ASXL1: variants seen among roughly 807,000 people sequenced by gnomAD.
ASXL1 encodes polycomb group protein ASXL1.
ASXL1 carries 65 observed loss-of-function variants against 89.1 expected under a neutral mutation model. The observed-to-expected ratio is 0.73, with a 90% CI of 0.60 to 0.90. The LOEUF (loss-of-function observed/expected upper bound fraction) is 0.90. ASXL1 is among the 40% of genes least tolerant of loss of function. The pLI, the probability that ASXL1 is intolerant of heterozygous loss-of-function variation, is 0.00. For missense variants in ASXL1, 1,786 were observed against 1,942.9 expected, an observed-to-expected ratio of 0.92 and a Z score of 1.52; for synonymous variants, 739 against 746.9, an observed-to-expected ratio of 0.99 and a Z score of 0.17.
chr20:32,383,397 C>T (rs2048522872), intron 4 of ASXL1, among the ~76,000 whole-genome samples: 1 of 151,968 alleles, frequency 6.6e-6, no homozygotes, highest in African/African-American at 2.4e-5. Context: ...AGCTCTGCCT[C>T]CCGGGTTCAC....
chr20:32,428,072 C>T (rs1569315781), intron 4 of ASXL1, 56 bp from the exon 5 acceptor site: 10 of 1,610,190 alleles, frequency 6.2e-6, no homozygotes, highest in Non-Finnish European at 7.6e-6. Flanking sequence ...GAATGACTGC[C>T]TTGCTTTAAG....
intron 10 of ASXL1, chr20:32,432,243 T>G (rs1485002930): frequency 5.7e-6 from 1 of 176,656 alleles, no homozygotes; most frequent in Non-Finnish European, 1.2e-5. Context: ...GGGGAAACCA[T>G]GTGTTGGCTT....
intron 4 of ASXL1, among the ~76,000 whole-genome samples, chr20:32,399,927 C>T (rs902300518): frequency 6.6e-6 from 1 of 151,494 alleles, no homozygotes; most frequent in Non-Finnish European, 1.5e-5. Context: ...ACGCCTGGCT[C>T]ATTTTTGTAT....
chr20:32,382,369 C>A (rs746490606), intron 4 of ASXL1, among the ~76,000 whole-genome samples: 18 of 151,714 alleles, frequency 1.2e-4, no homozygotes, highest in Non-Finnish European at 2.5e-4. Flanking sequence ...TAATCTGGTT[C>A]GTTGTAATTG....
intron 4 of ASXL1, among the ~76,000 whole-genome samples, chr20:32,420,971 A>G (rs2049234616): frequency 6.6e-6 from 1 of 152,006 alleles, no homozygotes; most frequent in African/African-American, 2.4e-5. Flanking sequence ...ACACAGGAAC[A>G]GAAAACCAAA....
At position 32,433,312 on chromosome 20, in the gene ASXL1, C is replaced by G. The variant is rs199846284; in HGVS notation, c.1114C>G (p.Gln372Glu). ...KLGLTKEESL[Q>E]QNVGQEEAEI... ...GGGTTTGACCAAAGAAGAGTCATTG[C>G]AGCAGAACGTGGGCCAGGAGGAGGC... The change falls in exon 12 of 13, where the codon CAG (glutamine) becomes GAG (glutamate). Residue 372 changes from glutamine (Q) to glutamate (E), a missense_variant. Physicochemically the swap from Gln to Glu is conservative, Grantham distance 29. This residue lies in a region of ASXL1 where 1,418 missense variants were observed against 1,427.8 expected (regional missense o/e 0.99). Transcript: ENST00000375687. 1.9e-6 allele frequency: 3 copies of G among 1,614,122 alleles called. No homozygotes were observed. In the Admixed American group the frequency reaches 5.0e-5, roughly 27 times the overall value.
intron 1 of ASXL1, among the ~76,000 whole-genome samples, chr20:32,361,290 T>C (rs1407067245): frequency 1.3e-5 from 2 of 152,036 alleles, no homozygotes; most frequent in African/African-American, 4.8e-5. Context: ...CAGTGCCCAA[T>C]GATTGATTGT....
chr20:32,403,026 T>C (rs375962478), intron 4 of ASXL1, among the ~76,000 whole-genome samples: 214 of 152,336 alleles, frequency 1.4e-3, no homozygotes, highest in African/African-American at 4.9e-3. Context: ...CTAAAAGTTG[T>C]ATGCTTTACA....
chr20:32,427,935 A>T (rs1485164703), intron 4 of ASXL1, 193 bp from the exon 5 acceptor site: 1 of 757,554 alleles, frequency 1.3e-6, no homozygotes, highest in Non-Finnish European at 2.1e-6. Context: ...GTTTGAATGC[A>T]AAAGTGTATC....
In ASXL1 at chr20:32,436,650, C is replaced by T. The variant is rs2145389801; in HGVS notation, c.3938C>T (p.Thr1313Ile). The T allele has an allele frequency of 5.6e-6, 9 of 1,614,050 alleles. No individual in the cohort carries two copies. The highest frequency in any genetic ancestry group is 6.8e-6 in the Non-Finnish European group (8 of 1,180,044). Reference sequence around the variant, plus strand: ...TTTGGCTCTGGGAATGTGGCTGCAACCCTTCAGCGCCCCAGGCCTGCGGAC... The same window carrying T: ...TTTGGCTCTGGGAATGTGGCTGCAATCCTTCAGCGCCCCAGGCCTGCGGAC... ...KLFGSGNVAA[T>I]LQRPRPADPM... The change falls in exon 13 of 13, where the codon ACC becomes ATC. Residue 1313 changes from threonine (T) to isoleucine (I), a missense_variant. By Grantham distance (89) the Thr-to-Ile change is moderately conservative (BLOSUM62 -1). Around this residue, in one of 3 missense-constraint regions of ASXL1, gnomAD observed 1,418 missense variants for 1,427.8 expected, o/e 0.99. Coordinates refer to ENST00000375687, the MANE Select transcript of ASXL1 (RefSeq NM_015338.6).
At chr20:32,409,926 T>A (rs1311089534) in intron 4 of ASXL1, among the ~76,000 whole-genome samples, 1 of 152,190 alleles carries the variant, frequency 6.6e-6, no homozygotes. Flanking sequence ...ATGACTTAAT[T>A]TTTTTTAAAG....
At chr20:32,381,515 T>TTC (rs1555903121) in intron 4 of ASXL1, among the ~76,000 whole-genome samples, 1 of 144,410 alleles carries the variant, frequency 6.9e-6, no homozygotes, top group Non-Finnish European at 1.5e-5. Context: ...ACCAAAATCT[T>TTC]TTTTTTTTTT....
At chr20:32,383,250 C>G (rs750853946) in intron 4 of ASXL1, among the ~76,000 whole-genome samples, 5 of 151,018 alleles carry the variant, frequency 3.3e-5, no homozygotes, top group Non-Finnish European at 7.4e-5. Context: ...TGAACCTGTT[C>G]CTTAGGCTGG....
In ASXL1 at chr20:32,435,996, C is replaced by G. The variant is rs746598633; in HGVS notation, c.3284C>G (p.Ser1095Cys). 2 of 1,614,176 alleles carry G rather than the reference C, an allele frequency of 1.2e-6. No homozygotes were observed. Among genetic ancestry groups the G allele is most frequent in the East Asian group, 2.2e-5 (1 of 44,888 alleles). ...TACCAGCCAAGAGCCGTGTGCCTGT[C>G]CATGCCTGGGTCCTCAGTGGAGGCC... Reference protein sequence around the residue: ...TEYQPRAVCLSMPGSSVEATN... With the variant: ...TEYQPRAVCLCMPGSSVEATN... Residue 1095 changes from serine (S) to cysteine (C), a missense_variant, in exon 13 of 13, where the codon TCC becomes TGC. Coordinates refer to ENST00000375687, the MANE Select transcript of ASXL1 (RefSeq NM_015338.6).
chr20:32,398,112 GA>G (rs1247237648), intron 4 of ASXL1, among the ~76,000 whole-genome samples: 1 of 152,078 alleles, frequency 6.6e-6, no homozygotes, highest in African/African-American at 2.4e-5. Flanking sequence ...TCTTTCCTTA[GA>G]AAAATACATT....
intron 4 of ASXL1, among the ~76,000 whole-genome samples, chr20:32,424,587 A>G (rs567091914): frequency 6.6e-6 from 1 of 152,298 alleles, no homozygotes; most frequent in East Asian, 1.9e-4. Flanking sequence ...CCAACAGCTT[A>G]GTAAGAATTT....
intron 4 of ASXL1, among the ~76,000 whole-genome samples, chr20:32,418,204 CAATA>C (rs959981158): frequency 6.6e-5 from 10 of 151,428 alleles, no homozygotes; most frequent in Non-Finnish European, 1.5e-4. Context: ...TAAATAAATA[CAATA>C]AATAAATAAA....
intron 4 of ASXL1, among the ~76,000 whole-genome samples, chr20:32,376,867 T>TATATTATATATATATC (rs1569253078): frequency 4.3e-5 from 6 of 140,672 alleles, no homozygotes; most frequent in African/African-American, 1.3e-4. Flanking sequence ...TATATAATTA[T>TATATTATATATATATC]ATGTTATATA....
In ASXL1 at chr20:32,435,411, C is replaced by A. The variant is rs2145371733; in HGVS notation, c.2699C>A (p.Pro900His). ...TCTAACAGTTCTTTGCATTGGATACCCATCCCATCGAATGATGAGGTAGTG... is the reference window on the plus strand; with the variant it reads ...TCTAACAGTTCTTTGCATTGGATACACATCCCATCGAATGATGAGGTAGTG... Reference protein sequence around the residue: ...LVSNSSLHWIPIPSNDEVVKQ... With the variant: ...LVSNSSLHWIHIPSNDEVVKQ... The change falls in exon 13 of 13, where the codon CCC becomes CAC. Residue 900 changes from proline (P) to histidine (H), a missense_variant. This residue lies in a region of ASXL1 where 1,418 missense variants were observed against 1,427.8 expected (regional missense o/e 0.99). Coordinates refer to ENST00000375687, the MANE Select transcript of ASXL1 (RefSeq NM_015338.6). 6.2e-7 allele frequency: 1 copy of A among 1,614,092 alleles called. No individual in the cohort carries two copies. The highest frequency in any genetic ancestry group is 2.2e-5 in the East Asian group (1 of 44,888).
Sources: allele counts gnomAD v4.1 joint callset (sites outside exome capture counted in the v4.1 genomes callset), GRCh38; gene constraint gnomAD v4.1.1; regional missense constraint gnomAD v4.1.1; transcripts MANE v1.5; gene names NCBI Gene and HGNC (gene_info 2026-07-23, HGNC 2026-07-21).